The following CSNK1D variants were observed in gnomAD, a reference collection of about 807,000 sequenced individuals.
The protein encoded by CSNK1D is casein kinase 1 delta, also known as casein kinase I isoform delta.
CSNK1D carries 16 observed loss-of-function variants against 46.6 expected under a neutral mutation model. That is an observed-to-expected ratio of 0.34 (90% CI 0.23 to 0.52). The LOEUF is 0.52. Among genes scored for constraint, CSNK1D ranks in the 20% least tolerant of loss-of-function variants. The pLI, the probability that CSNK1D is intolerant of heterozygous loss-of-function variation, is 0.95. For synonymous variants in CSNK1D, 276 were observed against 228.2 expected, an observed-to-expected ratio of 1.21 and a Z score of -1.89; for missense variants, 398 against 578.4, an observed-to-expected ratio of 0.69 and a Z score of 3.20.
intron 1 of CSNK1D, among the ~76,000 whole-genome samples, chr17:82,266,190 T>C (rs1402034680): frequency 1.3e-5 from 2 of 152,194 alleles, no homozygotes; most frequent in African/African-American, 4.8e-5. Flanking sequence ...TTCTCCATGC[T>C]GCCTGATAGG....
At chr17:82,253,788 G>A (rs2051078588) in intron 3 of CSNK1D, 4 of 313,326 alleles carry the variant, frequency 1.3e-5, no homozygotes, top group African/African-American at 7.0e-5. Flanking sequence ...GCCTCGAGAA[G>A]CCAGTGAGCT....
At chr17:82,269,300 G>A (rs1371925088) in intron 1 of CSNK1D, among the ~76,000 whole-genome samples, 1 of 152,098 alleles carries the variant, frequency 6.6e-6, no homozygotes, top group East Asian at 1.9e-4. Context: ...GCGGTCAGCA[G>A]TACCACGACT....
Position 82,252,350 on chromosome 17 carries a change from C to T in CSNK1D, c.736+84G>A. 6.5e-7 allele frequency: 1 copy of T among 1,532,180 alleles called. No individual in the cohort carries two copies. Among genetic ancestry groups the T allele is most frequent in the Admixed American group, 1.7e-5 (1 of 59,926 alleles). 94.9% of individuals were successfully genotyped at this position (1,532,180 alleles called of 1,614,324 possible). A position where few individuals can be genotyped will look rare whatever the true frequency, so the allele number is the denominator to read the frequency against. On this transcript the variant is annotated intron_variant, in intron 5 of 8. Transcript: ENST00000314028. The surrounding 1 kb of genome is among the most constrained non-coding windows in gnomAD (Gnocchi z 4.6). ...AAGGTGAGCAACTCTTCTGACAAAA[C>T]CCAGACTGAGCCGTCTCGGCACACC... is the stretch of plus-strand genomic sequence containing the variant.
intron 2 of CSNK1D, among the ~76,000 whole-genome samples, chr17:82,258,318 A>G (rs2051236035): frequency 6.6e-6 from 1 of 150,436 alleles, no homozygotes; most frequent in Non-Finnish European, 1.5e-5. Flanking sequence ...AAATGTATAT[A>G]TAAACCTGAA....
rs191706228 is a variant in CSNK1D, at chr17:82,243,611, C to T, written c.*1170G>A. ...TTTCTGGCCGTGAAGGTTCTGGGTC[C>T]GGTTGGGAGAGTCACCTGCTCCTTG... On this transcript the variant is annotated 3_prime_UTR_variant, in exon 9 of 9. Coordinates refer to ENST00000314028, the MANE Select transcript of CSNK1D (RefSeq NM_001893.6). 846 of 985,506 alleles carry T rather than the reference C, an allele frequency of 8.6e-4. No individual in the cohort carries two copies. The highest frequency in any genetic ancestry group is 9.6e-4 in the Non-Finnish European group (793 of 829,966). 61.0% of individuals were successfully genotyped at this position (985,506 alleles called of 1,614,324 possible).
rs747854663 is a variant in CSNK1D, at chr17:82,248,906, C to A, written c.1166G>T (p.Arg389Leu). The A allele has an allele frequency of 1.9e-6, 3 of 1,609,944 alleles. No homozygotes were observed. Among genetic ancestry groups the A allele is most frequent in the East Asian group, 4.5e-5 (2 of 44,760 alleles). The stretch of plus-strand genomic sequence containing the variant: ...GGTGGACATGCGAGAGGTATCTTGT[C>A]GGCCTGTGAGGTCGGACGAGGAGAT... ...VNISSSDLTG[R>L]QDTSRMSTSQ... is the part of the protein sequence containing the mutation. Residue 389 changes from arginine (R) to leucine (L), a missense_variant, in exon 8 of 9, where the codon CGA (arginine) becomes CTA (leucine). Physicochemically the swap from Arg to Leu is moderately radical, Grantham distance 102. This residue lies in a region of CSNK1D where 181 missense variants were observed against 208.0 expected (regional missense o/e 0.87). Coordinates refer to ENST00000314028, the MANE Select transcript of CSNK1D (RefSeq NM_001893.6). This position sits in a 1 kb window ranked among gnomAD's most constrained non-coding sequence, Gnocchi z 4.1.
chr17:82,261,391 G>A lies in CSNK1D; in HGVS notation c.187+4295C>T, dbSNP rs190844920. Among the ~76,000 whole-genome samples the A allele has an allele frequency of 3.9e-5, 6 of 152,260 alleles. No individual in the cohort carries two copies. In the East Asian group the frequency reaches 1.2e-3, roughly 29 times the overall value. On this transcript the variant is annotated intron_variant, in intron 2 of 8. Coordinates refer to ENST00000314028, the MANE Select transcript of CSNK1D (RefSeq NM_001893.6). ...CACTTTTCCCTCATGGTGCCCGAAGGTAGCTAAACATATGCGTGGGGATAA... is the reference window on the plus strand; with the variant it reads ...CACTTTTCCCTCATGGTGCCCGAAGATAGCTAAACATATGCGTGGGGATAA...
rs529319791 is a variant in CSNK1D at position 82,254,906 on chromosome 17, G to A, written c.336+523C>T. Among the ~76,000 whole-genome samples the A allele has an allele frequency of 1.1e-3, 152 of 133,616 alleles. 7 individuals carry two copies. Among genetic ancestry groups the A allele is most frequent in the Non-Finnish European group, 1.9e-3 (115 of 59,610 alleles). The allele number at this position is 133,616 out of a possible 152,430, so 87.7% of individuals were successfully genotyped here. On this transcript the variant is annotated intron_variant, in intron 3 of 8. Coordinates refer to ENST00000314028, the MANE Select transcript of CSNK1D (RefSeq NM_001893.6). ...CGAGAAGCCAGTCAGCTGAGCCGCCGGGGCCTCCAGAAGCCAGTGAGCTGA... is the reference window on the plus strand; with the variant it reads ...CGAGAAGCCAGTCAGCTGAGCCGCCAGGGCCTCCAGAAGCCAGTGAGCTGA...
chr17:82,266,476 T>C (rs977557852), intron 1 of CSNK1D, among the ~76,000 whole-genome samples: 3 of 152,226 alleles, frequency 2.0e-5, no homozygotes, highest in Non-Finnish European at 4.4e-5. Flanking sequence ...CTAAAACCAA[T>C]GACACATCTA....
Position 82,245,929 on chromosome 17 carries a change from CCACCCACCTGGCGCTGCTGCCTGG to C in CSNK1D, c.1198-1122_1198-1099del. The C allele has an allele frequency of 1.9e-6, 3 of 1,558,336 alleles. No individual in the cohort carries two copies. In the South Asian group the frequency reaches 3.5e-5, roughly 18 times the overall value. On this transcript the variant is annotated intron_variant, in intron 8 of 8. Coordinates refer to ENST00000314028, the MANE Select transcript of CSNK1D (RefSeq NM_001893.6). ...TCCCATGGGTGGGGCATGGTGGCTC[CCACCCACCTGGCGCTGCTGCCTGG>C]CGCCCGCCACGCGCACACTCACCCA... is the stretch of plus-strand genomic sequence containing the variant.
chr17:82,263,229 AG>A (rs2051385255), intron 2 of CSNK1D, among the ~76,000 whole-genome samples: 1 of 152,224 alleles, frequency 6.6e-6, no homozygotes, highest in South Asian at 2.1e-4. Flanking sequence ...AAACCTTGAC[AG>A]TATCCACCAG....
chr17:82,246,125 T>C, intron 8 of CSNK1D: 1 of 1,551,486 alleles, frequency 6.4e-7, no homozygotes, highest in Non-Finnish European at 8.7e-7. Flanking sequence ...ATGGGCATCC[T>C]TGCCTCAACC....
Position 82,244,693 on chromosome 17 carries a change from G to A in CSNK1D, c.*88C>T, listed in dbSNP as rs1323680815. 1 of 1,605,960 alleles carries A rather than the reference G, an allele frequency of 6.2e-7. No individual in the cohort carries two copies. Among genetic ancestry groups the A allele is most frequent in the African/African-American group, 1.3e-5 (1 of 74,872 alleles). On this transcript the variant is annotated 3_prime_UTR_variant, in exon 9 of 9. Transcript: ENST00000314028. The stretch of plus-strand genomic sequence containing the variant: ...TCCCGGTGTTAACATTTCGATCCTA[G>A]ACCGGGGGACGTGTCACTAGTAAAG...
In CSNK1D at chr17:82,244,739, C is replaced by G; in HGVS notation, c.*42G>C. 1 of 1,613,664 alleles carries G rather than the reference C, an allele frequency of 6.2e-7. No homozygotes were observed. Among genetic ancestry groups the G allele is most frequent in the Non-Finnish European group, 8.5e-7 (1 of 1,180,016 alleles). ...TAAAGCCATTGGTAACAGAGTAGAT[C>G]AGCCATGCATTGTCTGCCCTTCACA... On this transcript the variant is annotated 3_prime_UTR_variant, in exon 9 of 9. Transcript: ENST00000314028.
chr17:82,249,278 T>G lies in CSNK1D; in HGVS notation c.1057+153A>C. ...AGGTGCCGGCATTTCTAAAGGCGCC[T>G]GGGCAGCCTGGCTCATCCACCCTCA... On this transcript the variant is annotated intron_variant, in intron 7 of 8. Transcript: ENST00000314028. This position sits in a 1 kb window ranked among gnomAD's most constrained non-coding sequence, Gnocchi z 6.7. 4 of 882,300 alleles carry G rather than the reference T, an allele frequency of 4.5e-6. No individual in the cohort carries two copies. Among genetic ancestry groups the G allele is most frequent in the Non-Finnish European group, 6.8e-6 (4 of 588,936 alleles). 54.7% of individuals were successfully genotyped at this position (882,300 alleles called of 1,614,324 possible).
chr17:82,248,919 C>T lies in CSNK1D; in HGVS notation c.1153G>A (p.Asp385Asn), dbSNP rs780128834. The T allele has an allele frequency of 7.5e-6, 12 of 1,609,182 alleles. No homozygotes were observed. The highest frequency in any genetic ancestry group is 4.4e-5 in the South Asian group (4 of 90,104). The change falls in exon 8 of 9, where the codon GAC becomes AAC. Residue 385 changes from aspartate (D) to asparagine (N), a missense_variant. Transcript: ENST00000314028. This position sits in a 1 kb window ranked among gnomAD's most constrained non-coding sequence, Gnocchi z 4.1. ...GAGGTATCTTGTCGGCCTGTGAGGT[C>T]GGACGAGGAGATGTTGACGGGGGCC... ...RGAPVNISSS[D>N]LTGRQDTSRM...
chr17:82,259,920 T>C (rs2051279774), intron 2 of CSNK1D, among the ~76,000 whole-genome samples: 1 of 151,772 alleles, frequency 6.6e-6, no homozygotes, highest in Non-Finnish European at 1.5e-5. Context: ...GTGATGTGAC[T>C]GATGGTGTAC....
chr17:82,247,750 G>C, intron 8 of CSNK1D: 1 of 985,418 alleles, frequency 1.0e-6, no homozygotes, highest in Non-Finnish European at 1.2e-6. Flanking sequence ...TCGTGACGCA[G>C]CCCAGACCCC....
chr17:82,262,234 G>A (rs1568577707), intron 2 of CSNK1D, among the ~76,000 whole-genome samples: 1 of 152,352 alleles, frequency 6.6e-6, no homozygotes, highest in Admixed American at 6.5e-5. Context: ...CACGTAGGGT[G>A]GCCGCCATTT....
Sources: allele counts gnomAD v4.1 joint callset (sites outside exome capture counted in the v4.1 genomes callset), GRCh38; gene constraint gnomAD v4.1.1; regional missense constraint gnomAD v4.1.1; non-coding constraint Gnocchi (gnomAD v3.1); transcripts MANE v1.5; gene names NCBI Gene and HGNC (gene_info 2026-07-23, HGNC 2026-07-21).